Variants in ITSN1 observed in about 807,000 individuals in gnomAD.
ITSN1 encodes intersectin-1.
ITSN1 carries 58 observed loss-of-function variants against 239.8 expected under a neutral mutation model. The ratio of observed to expected loss-of-function variants is 0.24; its 90% CI spans 0.20 to 0.30. ITSN1 has a LOEUF of 0.30. Among genes scored for constraint, ITSN1 ranks in the 10% least tolerant of loss-of-function variants. ITSN1 has a pLI of 1.00. For synonymous variants in ITSN1, 780 were observed against 770.8 expected (o/e 1.01, Z -0.20); for missense variants, 1,558 against 2,103.3 (o/e 0.74, Z 5.07).
chr21:33,845,159 A>C (rs902393668), intron 29 of ITSN1, among the ~76,000 whole-genome samples: 2 of 151,950 alleles, frequency 1.3e-5, no homozygotes, highest in Non-Finnish European at 2.9e-5. Flanking sequence ...GGTTCCAGCT[A>C]GTGAAGGATG....
chr21:33,665,473 A>T (rs1023107186), intron 1 of ITSN1, among the ~76,000 whole-genome samples: 15 of 151,928 alleles, frequency 9.9e-5, no homozygotes, highest in African/African-American at 2.7e-4. Context: ...ATTTTTTTTT[A>T]AAAAGGAAAA....
intron 33 of ITSN1, 65 bp downstream of exon 33, chr21:33,867,396 C>T (rs1462773427): frequency 2.2e-6 from 2 of 892,596 alleles, no homozygotes; most frequent in East Asian, 4.8e-5. Context: ...GGGCTGGGGT[C>T]ATGGACAAGA....
At chr21:33,647,903 T>A (rs2146079501) in intron 1 of ITSN1, among the ~76,000 whole-genome samples, 1 of 152,378 alleles carries the variant, frequency 6.6e-6, no homozygotes, top group South Asian at 2.1e-4. Flanking sequence ...TACATATGTC[T>A]CTGAATGTAC....
chr21:33,722,737 AT>A, intron 4 of ITSN1, 86 bp downstream of exon 4: 2 of 1,291,970 alleles, frequency 1.5e-6, no homozygotes, highest in Non-Finnish European at 2.1e-6. Flanking sequence ...ATGATTTCTT[AT>A]GTTATAAAAG....
chr21:33,813,824 T>G (rs1315585045), intron 21 of ITSN1, 89 bp from the exon 22 acceptor site: 1 of 228,218 alleles, frequency 4.4e-6, no homozygotes, highest in African/African-American at 3.5e-5. Context: ...GAGTGCTTGC[T>G]TTTTTTTTTT....
At chr21:33,775,836 CA>C (rs1048350064) in intron 14 of ITSN1, among the ~76,000 whole-genome samples, 3 of 152,182 alleles carry the variant, frequency 2.0e-5, no homozygotes, top group Non-Finnish European at 4.4e-5. Flanking sequence ...TGGAGACATA[CA>C]GAGCACTTTT....
At chr21:33,703,927 T>C (rs1290642598) in intron 1 of ITSN1, among the ~76,000 whole-genome samples, 1 of 152,182 alleles carries the variant, frequency 6.6e-6, no homozygotes. Flanking sequence ...CTGCCTCTGC[T>C]TGGGGCTGAG....
chr21:33,810,630 T>A (rs1250885891), intron 20 of ITSN1, among the ~76,000 whole-genome samples: 1 of 152,244 alleles, frequency 6.6e-6, no homozygotes, highest in East Asian at 1.9e-4. Flanking sequence ...TTTTTAATAA[T>A]GACATGACTT....
intron 22 of ITSN1, chr21:33,817,772 G>A (rs2073387492): frequency 1.5e-6 from 1 of 672,002 alleles, no homozygotes; most frequent in Non-Finnish European, 2.1e-6. Flanking sequence ...CTCTGAAAAG[G>A]AACTAAAACA....
intron 5 of ITSN1, among the ~76,000 whole-genome samples, chr21:33,741,688 C>G (rs1412956020): frequency 2.0e-5 from 3 of 151,896 alleles, no homozygotes; most frequent in Admixed American, 6.6e-5. Context: ...GTCAGGAGAT[C>G]GAGACCATCC....
At position 33,890,420 on chromosome 21, in the gene ITSN1, C is replaced by T. The variant is rs188069771; in HGVS notation, c.*2120C>T. The stretch of plus-strand genomic sequence containing the variant: ...CAATGACAAACAATCGTTTTAGGTC[C>T]CAGGTCACCCACTCATAGTGTCCTA... On this transcript the variant is annotated 3_prime_UTR_variant, in exon 40 of 40. Coordinates refer to ENST00000381318, the MANE Select transcript of ITSN1 (RefSeq NM_003024.3). The T allele has an allele frequency of 9.9e-5, 15 of 152,246 alleles. No homozygotes were observed. Among genetic ancestry groups the T allele is most frequent in the African/African-American group, 3.6e-4 (15 of 41,540 alleles). 9.4% of individuals were successfully genotyped at this position (152,246 alleles called of 1,614,324 possible). A position where few individuals can be genotyped will look rare whatever the true frequency, so the allele number is the denominator to read the frequency against.
chr21:33,759,262 A>G (rs938820631), intron 8 of ITSN1, among the ~76,000 whole-genome samples: 9 of 152,238 alleles, frequency 5.9e-5, no homozygotes, highest in African/African-American at 2.2e-4. Context: ...CCTAAGGGCT[A>G]TAATTTACCA....
chr21:33,862,491 G>A (rs549350111), intron 31 of ITSN1, among the ~76,000 whole-genome samples: 14 of 152,324 alleles, frequency 9.2e-5, no homozygotes, highest in Non-Finnish European at 1.5e-4. Context: ...GGGAGAAGGA[G>A]AAGAGGGAAG....
intron 33 of ITSN1, among the ~76,000 whole-genome samples, chr21:33,869,031 CT>C (rs1982249362): frequency 6.6e-6 from 1 of 151,912 alleles, no homozygotes. Flanking sequence ...CTGTGCCTTT[CT>C]CCCTTGACTC....
chr21:33,885,370 A>G lies in ITSN1; in HGVS notation c.4760-69A>G, dbSNP rs1985614091. The G allele has an allele frequency of 5.8e-6, 8 of 1,371,528 alleles. No individual in the cohort carries two copies. The South Asian group carries it at 9.3e-5, about 16-fold the overall frequency. The allele number at this position is 1,371,528 out of a possible 1,614,324, so 85.0% of individuals were successfully genotyped here. A position where few individuals can be genotyped will look rare whatever the true frequency, so the allele number is the denominator to read the frequency against. On this transcript the variant is annotated intron_variant, in intron 37 of 39. Coordinates refer to ENST00000381318, the MANE Select transcript of ITSN1 (RefSeq NM_003024.3). ...GGAGAGGTACATGAAATGCATTGTG[A>G]GGCTCACAGAGATGGGAAAGGTGTG...
At position 33,727,117 on chromosome 21, in the gene ITSN1, G is replaced by A. The variant is rs140333457; in HGVS notation, c.185+4466G>A. ...TCTCGGAGGATGGAGTCAAGTCAGT[G>A]TGTGTCATGCCAAATTATAACCGTG... On this transcript the variant is annotated intron_variant, in intron 4 of 39. Coordinates refer to ENST00000381318, the MANE Select transcript of ITSN1 (RefSeq NM_003024.3). 1.8e-3 allele frequency among the ~76,000 whole-genome samples: 277 copies of A among 152,210 alleles called. 1 individual carries two copies. Among genetic ancestry groups the A allele is most frequent in the African/African-American group, 6.5e-3 (271 of 41,528 alleles).
At chr21:33,802,077 AT>A (rs376017651) in intron 19 of ITSN1, among the ~76,000 whole-genome samples, 53 of 150,510 alleles carry the variant, frequency 3.5e-4, no homozygotes, top group African/African-American at 8.5e-4. Context: ...CCTCATTACA[AT>A]TTTTTTTTTA....
chr21:33,777,976 A>G (rs2069780538), intron 14 of ITSN1, among the ~76,000 whole-genome samples: 1 of 152,170 alleles, frequency 6.6e-6, no homozygotes, highest in Non-Finnish European at 1.5e-5. Flanking sequence ...GAGGGTTTTT[A>G]TGATGAATGG....
intron 33 of ITSN1, among the ~76,000 whole-genome samples, chr21:33,868,113 A>G (rs1981988706): frequency 6.6e-6 from 1 of 152,202 alleles, no homozygotes; most frequent in African/African-American, 2.4e-5. Context: ...TTATTCTCTT[A>G]TCTGGCCCCA....
Sources: allele counts gnomAD v4.1 joint callset (sites outside exome capture counted in the v4.1 genomes callset), GRCh38; gene constraint gnomAD v4.1.1; transcripts MANE v1.5; gene names NCBI Gene and HGNC (gene_info 2026-07-23, HGNC 2026-07-21).